CCDC88C: variants seen among roughly 807,000 people sequenced by gnomAD.
CCDC88C encodes protein Daple.
CCDC88C carries 131 observed loss-of-function variants against 198.8 expected under a neutral mutation model. That is an observed-to-expected ratio of 0.66 (90% confidence interval 0.57 to 0.76). The LOEUF (loss-of-function observed/expected upper bound fraction) is 0.76. CCDC88C is among the 30% of genes least tolerant of loss of function. The pLI is 0.00. For missense variants in CCDC88C, 2,553 were observed against 2,631.6 expected (o/e 0.97, Z 0.65); for synonymous variants, 1,166 against 1,114.7 (o/e 1.05, Z -0.92).
At chr14:91,351,743 G>A (rs937061608) in intron 4 of CCDC88C, among the ~76,000 whole-genome samples, 21 of 152,072 alleles carry the variant, frequency 1.4e-4, no homozygotes, top group African/African-American at 4.8e-4. Flanking sequence ...GGGGCACTCT[G>A]ACTAGTGGCC....
At position 91,291,007 on chromosome 14, in the gene CCDC88C, G is replaced by A. The variant is rs1321889692; in HGVS notation, c.4190C>T (p.Pro1397Leu). The change falls in exon 24 of 30, where the codon CCT (proline) becomes CTT (leucine). Residue 1397 changes from proline to leucine, a missense_variant. Transcript: ENST00000389857. ...KIMDQYKFYD[P>L]PPKKKNHWIG... Reference sequence around the variant, plus strand: ...TAAATCAACTCACTTCTTTGGAGGAGGATCATAGAACTTGTATTGATCCAT... The same window carrying A: ...TAAATCAACTCACTTCTTTGGAGGAAGATCATAGAACTTGTATTGATCCAT... 6.3e-7 allele frequency: 1 copy of A among 1,579,626 alleles called. No individual in the cohort carries two copies. The highest frequency in any genetic ancestry group is 8.7e-7 in the Non-Finnish European group (1 of 1,154,806).
intron 5 of CCDC88C, among the ~76,000 whole-genome samples, chr14:91,343,329 G>T (rs1893382661): frequency 6.6e-6 from 1 of 152,200 alleles, no homozygotes; most frequent in African/African-American, 2.4e-5. Flanking sequence ...GCAGATCCTT[G>T]TTCTAGTGAT....
At chr14:91,298,428 G>A (rs747431274) in intron 21 of CCDC88C, among the ~76,000 whole-genome samples, 1 of 151,882 alleles carries the variant, frequency 6.6e-6, no homozygotes, top group Admixed American at 6.6e-5. Flanking sequence ...CAGCTACTTG[G>A]GAGGCTGGGC....
At chr14:91,292,069 AG>A (rs1446675094) in intron 23 of CCDC88C, among the ~76,000 whole-genome samples, 2 of 152,146 alleles carry the variant, frequency 1.3e-5, no homozygotes, top group Non-Finnish European at 2.9e-5. Flanking sequence ...GAGAGGTAAC[AG>A]CTCATTCTCG....
intron 12 of CCDC88C, among the ~76,000 whole-genome samples, chr14:91,322,906 T>C (rs1375450738): frequency 2.1e-5 from 3 of 143,254 alleles, no homozygotes; most frequent in African/African-American, 5.3e-5. Context: ...GTGTTTCTCT[T>C]TTTTTTTTTT....
chr14:91,283,718 C>CAA (rs939581371), intron 25 of CCDC88C: 71 of 594,924 alleles, frequency 1.2e-4, no homozygotes, highest in African/African-American at 1.1e-3. Flanking sequence ...CAGGTGGTGT[C>CAA]AGAGGCCCCA....
intron 20 of CCDC88C, 54 bp downstream of exon 20, chr14:91,303,647 C>T (rs1204300318): frequency 6.7e-7 from 1 of 1,488,958 alleles, no homozygotes; most frequent in East Asian, 2.5e-5. Flanking sequence ...CTGGGCCCAG[C>T]CTCTCCTCTG....
Position 91,283,428 on chromosome 14 carries a change from A to G in CCDC88C, c.4531T>C (p.Trp1511Arg). 2.5e-6 allele frequency: 4 copies of G among 1,613,672 alleles called. No individual in the cohort carries two copies. The highest frequency in any genetic ancestry group is 3.4e-6 in the Non-Finnish European group (4 of 1,179,798). Reference protein sequence around the residue: ...DASTDLAMRSWPSELGSRTCS... With the variant: ...DASTDLAMRSRPSELGSRTCS... ...GTCCGGGAGCCCAGCTCCGAGGGCCAGGACCTCATGGCCAGATCGGTGGAG... is the reference window on the plus strand; with the variant it reads ...GTCCGGGAGCCCAGCTCCGAGGGCCGGGACCTCATGGCCAGATCGGTGGAG... The change falls in exon 26 of 30, where the codon TGG (tryptophan) becomes CGG (arginine). Residue 1511 changes from tryptophan to arginine, a missense_variant. By Grantham distance (101) the Trp-to-Arg change is moderately radical. This residue lies in a region of CCDC88C where 1,293 missense variants were observed against 1,219.6 expected (regional missense o/e 1.06). Transcript: ENST00000389857.
chr14:91,416,107 G>C (rs1245626508), intron 2 of CCDC88C, among the ~76,000 whole-genome samples: 2 of 152,208 alleles, frequency 1.3e-5, no homozygotes, highest in Non-Finnish European at 2.9e-5. Flanking sequence ...CAACAGGAAA[G>C]GATGTGGTCA....
At chr14:91,396,478 C>T (rs550559827) in intron 3 of CCDC88C, among the ~76,000 whole-genome samples, 49 of 152,298 alleles carry the variant, frequency 3.2e-4, no homozygotes, top group Admixed American at 3.2e-3. Flanking sequence ...CCGCATCACT[C>T]GATTCCCACA....
Position 91,314,169 on chromosome 14 carries a change from G to C in CCDC88C, c.1666-19C>G. 6.3e-7 allele frequency: 1 copy of C among 1,585,632 alleles called. No homozygotes were observed. Among genetic ancestry groups the C allele is most frequent in the Non-Finnish European group, 8.6e-7 (1 of 1,164,600 alleles). On this transcript the variant is annotated intron_variant, in intron 14 of 29. Transcript: ENST00000389857. ...CCTTGATCTACGGGAAAACACAACA[G>C]GCACAACCCAGGCTGCTGCAGGAAC...
rs1218518973 is a variant in CCDC88C at position 91,308,446 on chromosome 14, T to C, written c.2911A>G (p.Thr971Ala). ...EGRNESALKTTLAMKEEKIVL... is the reference protein window; with the variant it reads ...EGRNESALKTALAMKEEKIVL... ...ATCTTTTCTTCTTTCATGGCTAGTG[T>C]TGTTTTTAATGCTGATTCATTTCTG... The change falls in exon 17 of 30, where the codon ACA (threonine) becomes GCA (alanine). Residue 971 changes from threonine (T) to alanine (A), a missense_variant. Thr to Ala is a moderately conservative substitution (Grantham distance 58). Transcript: ENST00000389857. The C allele has an allele frequency of 6.2e-7, 1 of 1,614,038 alleles. No individual in the cohort carries two copies. The highest frequency in any genetic ancestry group is 8.5e-7 in the Non-Finnish European group (1 of 1,179,874).
chr14:91,390,840 C>T (rs1028367861), intron 3 of CCDC88C, among the ~76,000 whole-genome samples: 4 of 152,146 alleles, frequency 2.6e-5, no homozygotes, highest in South Asian at 2.1e-4. Flanking sequence ...AACCAGAGAG[C>T]GCAGAGGACA....
intron 25 of CCDC88C, among the ~76,000 whole-genome samples, chr14:91,286,256 CCACT>C (rs1200264279): frequency 2.6e-5 from 4 of 152,320 alleles, no homozygotes; most frequent in African/African-American, 9.6e-5. Context: ...CCTCCCGTTC[CCACT>C]CAAAGACCTT....
At chr14:91,349,752 A>G (rs1056327704) in intron 4 of CCDC88C, among the ~76,000 whole-genome samples, 1 of 152,240 alleles carries the variant, frequency 6.6e-6, no homozygotes, top group Non-Finnish European at 1.5e-5. Flanking sequence ...GCAGGCCAAC[A>G]TAAGCTATAT....
intron 27 of CCDC88C, among the ~76,000 whole-genome samples, chr14:91,280,981 T>C (rs915942286): frequency 2.0e-5 from 3 of 152,198 alleles, no homozygotes; most frequent in Non-Finnish European, 4.4e-5. Flanking sequence ...AAAGCAGCTT[T>C]TGATTTTTGA....
At position 91,313,285 on chromosome 14, in the gene CCDC88C, A is replaced by G; in HGVS notation, c.2531T>C (p.Leu844Pro). 1 of 1,613,960 alleles carries G rather than the reference A, an allele frequency of 6.2e-7. No individual in the cohort carries two copies. ...KKLLEKEAKR[L>P]WQQVELKDAV... ...ATCCTTGAGCTCCACCTGCTGCCACAGCCGCTTGGCCTCCTTCTCCAGCAG... is the reference window on the plus strand; with the variant it reads ...ATCCTTGAGCTCCACCTGCTGCCACGGCCGCTTGGCCTCCTTCTCCAGCAG... The change falls in exon 15 of 30, where the codon CTG becomes CCG. Residue 844 changes from leucine (L) to proline (P), a missense_variant. By Grantham distance (98) the Leu-to-Pro change is moderately conservative (BLOSUM62 -3). This residue lies in a region of CCDC88C where 1,260 missense variants were observed against 1,412.0 expected (regional missense o/e 0.89). Transcript: ENST00000389857. This position sits in a 1 kb window ranked among gnomAD's most constrained non-coding sequence, Gnocchi z 5.2.
At chr14:91,345,180 A>T (rs1330402877) in intron 4 of CCDC88C, among the ~76,000 whole-genome samples, 1 of 68,078 alleles carries the variant, frequency 1.5e-5, no homozygotes, top group African/African-American at 5.5e-5. Flanking sequence ...ATATATATAT[A>T]TATATATATA....
intron 3 of CCDC88C, chr14:91,379,480 C>A (rs570531357): frequency 3.1e-6 from 1 of 318,874 alleles, no homozygotes; most frequent in Admixed American, 4.7e-5. Context: ...GCCTTGGCCA[C>A]CCGGGGCAGC....
Sources: allele counts gnomAD v4.1 joint callset (sites outside exome capture counted in the v4.1 genomes callset), GRCh38; gene constraint gnomAD v4.1.1; regional missense constraint gnomAD v4.1.1; non-coding constraint Gnocchi (gnomAD v3.1); transcripts MANE v1.5; gene names NCBI Gene and HGNC (gene_info 2026-07-23, HGNC 2026-07-21).